MTIF2: variants seen among roughly 807,000 people sequenced by gnomAD.
MTIF2 encodes the protein translation initiation factor IF-2, mitochondrial.
In MTIF2, 71 loss-of-function variants were observed where a neutral mutation model predicts 83.5. That is an observed-to-expected ratio of 0.85 (90% CI 0.70 to 1.04). The LOEUF is 1.04. Ranked by LOEUF, MTIF2 falls within the 50% of genes least tolerant of loss-of-function variation. The pLI, the probability that MTIF2 is intolerant of heterozygous loss-of-function variation, is 0.00. For missense variants in MTIF2, 957 were observed against 846.5 expected (o/e 1.13, Z -1.62); for synonymous variants, 319 against 287.1 (o/e 1.11, Z -1.12).
In MTIF2 at chr2:55,243,337, A is replaced by ATT. The variant is rs200772800; in HGVS notation, c.1564+78_1564+79insAA. On this transcript the variant is annotated intron_variant, in intron 12 of 15. Coordinates refer to ENST00000263629, the MANE Select transcript of MTIF2 (RefSeq NM_002453.3). Reference sequence around the variant, plus strand: ...AAATATTGAAATAATTTTCATGTAAATGTAAAGGCCCAAACTATGAGAATA... The same window carrying ATT: ...AAATATTGAAATAATTTTCATGTAAATTTGTAAAGGCCCAAACTATGAGAATA... 719 of 1,322,338 alleles carry ATT rather than the reference A, an allele frequency of 5.4e-4. 9 individuals carry two copies. The East Asian group carries it at 9.3e-3, about 17-fold the overall frequency. The allele number at this position is 1,322,338 out of a possible 1,614,324, so 81.9% of individuals were successfully genotyped here.
chr2:55,253,496 T>C (rs1251027540), intron 7 of MTIF2, among the ~76,000 whole-genome samples: 1 of 151,616 alleles, frequency 6.6e-6, no homozygotes, highest in Non-Finnish European at 1.5e-5. Flanking sequence ...CTGGCCAACA[T>C]GGCAAAACCC....
At chr2:55,241,864 T>C (rs1453766960) in intron 13 of MTIF2, among the ~76,000 whole-genome samples, 1 of 151,518 alleles carries the variant, frequency 6.6e-6, no homozygotes, top group East Asian at 2.0e-4. Context: ...AGTCATTCAA[T>C]TGGCTAGGCA....
intron 9 of MTIF2, among the ~76,000 whole-genome samples, chr2:55,247,610 A>G (rs1234210689): frequency 6.6e-6 from 1 of 152,192 alleles, no homozygotes; most frequent in East Asian, 1.9e-4. Context: ...AAACAAAAAA[A>G]TTGACTAAAT....
chr2:55,255,250 A>G (rs561513548), intron 5 of MTIF2, among the ~76,000 whole-genome samples: 2 of 151,362 alleles, frequency 1.3e-5, no homozygotes, highest in African/African-American at 4.8e-5. Flanking sequence ...AAACTATTGA[A>G]TTAGCAAATA....
At chr2:55,254,574 G>T in intron 6 of MTIF2, 80 bp downstream of exon 6, 1 of 1,236,088 alleles carries the variant, frequency 8.1e-7, no homozygotes, top group South Asian at 1.9e-5. Flanking sequence ...AAATTTTAAA[G>T]CAAATCTTTC....
At chr2:55,254,259 G>A in intron 6 of MTIF2, 58 bp from the exon 7 acceptor site, 3 of 1,561,896 alleles carry the variant, frequency 1.9e-6, no homozygotes, top group South Asian at 2.4e-5. Context: ...TTTATAGCCT[G>A]TGAATTGGTT....
In MTIF2 at chr2:55,254,024, G is replaced by T. The variant is rs1431324057; in HGVS notation, c.664+17C>A. ...GTGGGGTTCCCAAGCACATTGTAAG[G>T]TAATTTGTGTTCATACCAAGAAAGG... On this transcript the variant is annotated intron_variant, in intron 7 of 15. Coordinates refer to ENST00000263629, the MANE Select transcript of MTIF2 (RefSeq NM_002453.3). 5.6e-6 allele frequency: 9 copies of T among 1,612,802 alleles called. No individual in the cohort carries two copies. The highest frequency in any genetic ancestry group is 7.6e-6 in the Non-Finnish European group (9 of 1,179,196).
intron 4 of MTIF2, among the ~76,000 whole-genome samples, chr2:55,263,042 T>C (rs1375395096): frequency 6.6e-6 from 1 of 151,984 alleles, no homozygotes; most frequent in Non-Finnish European, 1.5e-5. Context: ...TTTGTATTTT[T>C]AGTAGTGATG....
chr2:55,260,400 C>CAAA (rs70947016), intron 5 of MTIF2, among the ~76,000 whole-genome samples: 1 of 87,396 alleles, frequency 1.1e-5, no homozygotes, highest in Admixed American at 1.1e-4. Context: ...AACTCTGTCT[C>CAAA]AAAAAAAAAA....
chr2:55,246,257 C>CA, intron 10 of MTIF2, 80 bp downstream of exon 10: 1 of 1,419,538 alleles, frequency 7.0e-7, no homozygotes, highest in East Asian at 2.3e-5. Context: ...TAACATGTAA[C>CA]AAAAATAATA....
Position 55,246,320 on chromosome 2 carries a change from CA to C in MTIF2, c.1106+16del. 1.3e-6 allele frequency: 2 copies of C among 1,585,064 alleles called. No homozygotes were observed. Among genetic ancestry groups the C allele is most frequent in the Non-Finnish European group, 1.7e-6 (2 of 1,164,754 alleles). ...CCACAGAACAAATTAAAAAGGCAAG[CA>C]TTTTAAGAGTCCTACCCTCTTCCTT... is the stretch of plus-strand genomic sequence containing the variant. On this transcript the variant is annotated intron_variant, in intron 10 of 15. Transcript: ENST00000263629.
At chr2:55,251,643 G>C (rs1196982208) in intron 8 of MTIF2, among the ~76,000 whole-genome samples, 1 of 152,024 alleles carries the variant, frequency 6.6e-6, no homozygotes, top group Non-Finnish European at 1.5e-5. Flanking sequence ...TTTTTTTTGA[G>C]ACGGAGTTTC....
chr2:55,240,001 G>C lies in MTIF2; in HGVS notation c.1870+10C>G. 6.3e-7 allele frequency: 1 copy of C among 1,591,508 alleles called. No individual in the cohort carries two copies. Among genetic ancestry groups the C allele is most frequent in the African/African-American group, 1.3e-5 (1 of 74,554 alleles). ...CTAATTTTTAAAAGTAACATTCAGT[G>C]ATCACTCACCTACTGGGTGCTCTTC... On this transcript the variant is annotated intron_variant, in intron 14 of 15. Transcript: ENST00000263629.
chr2:55,267,402 A>G (rs1051703256), intron 3 of MTIF2, among the ~76,000 whole-genome samples, 167 bp downstream of exon 3: 3 of 151,884 alleles, frequency 2.0e-5, no homozygotes, highest in Non-Finnish European at 4.4e-5. Flanking sequence ...CAGGTGATCT[A>G]TCCGCCTTGG....
At chr2:55,249,367 C>T in intron 9 of MTIF2, 28 bp downstream of exon 9, 1 of 1,611,314 alleles carries the variant, frequency 6.2e-7, no homozygotes, top group Non-Finnish European at 8.5e-7. Flanking sequence ...CCCATCCAGG[C>T]ATATTTATAT....
At chr2:55,243,787 T>C in intron 11 of MTIF2, 119 bp from the exon 12 acceptor site, 1 of 1,153,624 alleles carries the variant, frequency 8.7e-7, no homozygotes, top group Non-Finnish European at 1.2e-6. Context: ...CTACTACTTT[T>C]ATAAGTTTCA....
In MTIF2 at chr2:55,237,413, A is replaced by C. The variant is rs749204599; in HGVS notation, c.1886T>G (p.Leu629Arg). 1 of 1,611,122 alleles carries C rather than the reference A, an allele frequency of 6.2e-7. No homozygotes were observed. Among genetic ancestry groups the C allele is most frequent in the South Asian group, 1.1e-5 (1 of 90,590 alleles). ...EEHPVGEASI[L>R]ATFSVTEGKK... ...CCCTTCTGTTACAGAGAAGGTAGCT[A>C]GTATAGATGCCTCACCTTTAGGAAG... Residue 629 changes from leucine (L) to arginine (R), a missense_variant, in exon 15 of 16, where the codon CTA becomes CGA. Physicochemically the swap from Leu to Arg is moderately radical, Grantham distance 102. This residue lies in a region of MTIF2 where 221 missense variants were observed against 180.6 expected (regional missense o/e 1.22). Coordinates refer to ENST00000263629, the MANE Select transcript of MTIF2 (RefSeq NM_002453.3).
chr2:55,267,512 A>T (rs1034845710), intron 3 of MTIF2, 57 bp downstream of exon 3: 2 of 161,996 alleles, frequency 1.2e-5, no homozygotes, highest in African/African-American at 4.8e-5. Flanking sequence ...AAACAAGTAC[A>T]GTATAGCAAA....
intron 12 of MTIF2, 84 bp downstream of exon 12, chr2:55,243,332 T>A (rs1013758413): frequency 1.6e-6 from 2 of 1,283,790 alleles, no homozygotes; most frequent in Admixed American, 2.6e-5. Flanking sequence ...ATAATTTTCA[T>A]GTAAATGTAA....
Sources: allele counts gnomAD v4.1 joint callset (sites outside exome capture counted in the v4.1 genomes callset), GRCh38; gene constraint gnomAD v4.1.1; regional missense constraint gnomAD v4.1.1; transcripts MANE v1.5; gene names NCBI Gene and HGNC (gene_info 2026-07-23, HGNC 2026-07-21).